USP14: variants seen among roughly 807,000 people sequenced by gnomAD.
USP14 encodes the protein ubiquitin carboxyl-terminal hydrolase 14.
In USP14, 38 loss-of-function variants were observed where a neutral mutation model predicts 76.5. The observed-to-expected ratio is 0.50, with a 90% CI of 0.38 to 0.65. The LOEUF is 0.65. Ranked by LOEUF, USP14 falls within the 30% of genes least tolerant of loss-of-function variation. The pLI is 0.00. For synonymous variants in USP14, 192 were observed against 191.7 expected, an observed-to-expected ratio of 1.00 and a Z score of -0.01; for missense variants, 467 against 586.5, an observed-to-expected ratio of 0.80 and a Z score of 2.10.
At position 199,006 on chromosome 18, in the gene USP14, CATT is replaced by C. The variant is rs550186014; in HGVS notation, c.762-195_762-193del. On this transcript the variant is annotated intron_variant, in intron 9 of 15. Transcript: ENST00000261601. ...TATCTTTTAATACACATTTATTACT[CATT>C]GTTGTTTCTAGAATTGTTGGTAGCC... Among the ~76,000 whole-genome samples the C allele has an allele frequency of 1.6e-4, 24 of 152,172 alleles. No homozygotes were observed. The East Asian group carries it at 1.7e-3, about 11-fold the overall frequency.
Position 211,415 on chromosome 18 carries a change from G to A in USP14, c.*131G>A. 1 of 939,298 alleles carries A rather than the reference G, an allele frequency of 1.1e-6. No individual in the cohort carries two copies. Among genetic ancestry groups the A allele is most frequent in the Non-Finnish European group, 1.5e-6 (1 of 651,508 alleles). 58.2% of individuals were successfully genotyped at this position (939,298 alleles called of 1,614,324 possible). A position where few individuals can be genotyped will look rare whatever the true frequency, so the allele number is the denominator to read the frequency against. On this transcript the variant is annotated 3_prime_UTR_variant, in exon 16 of 16. Coordinates refer to ENST00000261601, the MANE Select transcript of USP14 (RefSeq NM_005151.4). ...ACCTCATTTGGAACAAAAGAGGACAGAAGCAGACCACTCTGTGCACCAACC... is the reference window on the plus strand; with the variant it reads ...ACCTCATTTGGAACAAAAGAGGACAAAAGCAGACCACTCTGTGCACCAACC...
intron 13 of USP14, among the ~76,000 whole-genome samples, chr18:209,693 T>C (rs1910619073): frequency 6.6e-6 from 1 of 152,214 alleles, no homozygotes. Flanking sequence ...TGTACTGCTG[T>C]ATTCACTGGT....
chr18:208,392 T>C (rs149551254), intron 13 of USP14, among the ~76,000 whole-genome samples: 8 of 152,284 alleles, frequency 5.3e-5, no homozygotes, highest in Admixed American at 5.2e-4. Context: ...TTGTCCCCCT[T>C]GCTTGAGGAT....
At chr18:206,795 G>A (rs1910540611) in intron 13 of USP14, among the ~76,000 whole-genome samples, 2 of 152,154 alleles carry the variant, frequency 1.3e-5, no homozygotes, top group African/African-American at 4.8e-5. Context: ...CAGCTACTTG[G>A]GAGGCTGAGG....
intron 13 of USP14, among the ~76,000 whole-genome samples, chr18:208,305 A>G (rs906895073): frequency 6.6e-6 from 1 of 151,986 alleles, no homozygotes; most frequent in African/African-American, 2.4e-5. Context: ...TCTAGTATTT[A>G]TTACCCTTTT....
intron 3 of USP14, among the ~76,000 whole-genome samples, chr18:170,986 T>A (rs1909426667): frequency 7.7e-6 from 1 of 130,470 alleles, no homozygotes; most frequent in East Asian, 2.4e-4. Flanking sequence ...AGCATGCACA[T>A]CCTGGACATG....
chr18:164,947 A>G (rs1909226112), intron 2 of USP14, among the ~76,000 whole-genome samples: 1 of 151,898 alleles, frequency 6.6e-6, no homozygotes, highest in South Asian at 2.1e-4. Context: ...GATATCTATT[A>G]TTATTATTAT....
chr18:178,180 C>T (rs1470955702), intron 3 of USP14, among the ~76,000 whole-genome samples: 1 of 152,046 alleles, frequency 6.6e-6, no homozygotes, highest in Non-Finnish European at 1.5e-5. Flanking sequence ...CCCCTATGCC[C>T]AGCTAATATT....
chr18:173,151 C>T (rs1378632421), intron 3 of USP14, among the ~76,000 whole-genome samples: 1 of 151,606 alleles, frequency 6.6e-6, no homozygotes, highest in African/African-American at 2.4e-5. Context: ...CCCTGTTGCC[C>T]AGGCTGGAGT....
intron 5 of USP14, among the ~76,000 whole-genome samples, chr18:183,524 T>G (rs146318211): frequency 6.6e-6 from 1 of 152,076 alleles, no homozygotes; most frequent in Non-Finnish European, 1.5e-5. Context: ...TGTTTTTTAG[T>G]CTTCTAACTT....
At position 158,673 on chromosome 18, in the gene USP14, G is replaced by GCCGCCGCCTCCCGCCGCGCC. The variant is rs1444529056; in HGVS notation, c.-20_-1dup. The GCCGCCGCCTCCCGCCGCGCC allele has an allele frequency of 2.0e-6, 3 of 1,519,260 alleles. No homozygotes were observed. Among genetic ancestry groups the GCCGCCGCCTCCCGCCGCGCC allele is most frequent in the African/African-American group, 1.4e-5 (1 of 69,270 alleles). 94.1% of individuals were successfully genotyped at this position (1,519,260 alleles called of 1,614,324 possible). On this transcript the variant is annotated 5_prime_UTR_variant, in exon 1 of 16. Coordinates refer to ENST00000261601, the MANE Select transcript of USP14 (RefSeq NM_005151.4). ...CCCTCGTCAGGCCCAGCTCTCCTGCGCCGCCGCCTCCCGCCGCGCCCCGCC... is the reference window on the plus strand; with the variant it reads ...CCCTCGTCAGGCCCAGCTCTCCTGCGCCGCCGCCTCCCGCCGCGCCCCGCCGCCTCCCGCCGCGCCCCGCC...
chr18:166,733 T>G, intron 2 of USP14, 54 bp from the exon 3 acceptor site: 1 of 1,515,028 alleles, frequency 6.6e-7, no homozygotes, highest in Non-Finnish European at 9.1e-7. Flanking sequence ...ATTATTAGAT[T>G]GTGTTCAGCT....
rs1405076870 is a variant in USP14 at position 213,653 on chromosome 18, C to T, written c.*2369C>T. The T allele has an allele frequency of 2.0e-5, 3 of 152,446 alleles. No individual in the cohort carries two copies. The highest frequency in any genetic ancestry group is 2.1e-4 in the South Asian group (1 of 4,822). 9.4% of individuals were successfully genotyped at this position (152,446 alleles called of 1,614,324 possible). On this transcript the variant is annotated 3_prime_UTR_variant, in exon 16 of 16. Transcript: ENST00000261601. The stretch of plus-strand genomic sequence containing the variant: ...CTAGGTTAGGCCTAAGAGTGTTTAC[C>T]GAATAATCTGCACTCACTCAGTAGC...
chr18:206,064 G>A (rs1910521953), intron 13 of USP14, among the ~76,000 whole-genome samples: 1 of 152,142 alleles, frequency 6.6e-6, no homozygotes, highest in Non-Finnish European at 1.5e-5. Flanking sequence ...CCATTTCTCT[G>A]GAATGAATGC....
At position 204,673 on chromosome 18, in the gene USP14, T is replaced by C; in HGVS notation, c.1145T>C (p.Val382Ala). The change falls in exon 13 of 16, where the codon GTG becomes GCG. Residue 382 changes from valine to alanine, a missense_variant. Transcript: ENST00000261601. ...SKFKDLEDKKVNQQPNTSDKK... is the reference protein window; with the variant it reads ...SKFKDLEDKKANQQPNTSDKK... ...TTCAAGGATCTAGAAGATAAAAAAG[T>C]GAATCAGCAGCCAAATACAGTAGGT... 1 of 1,612,534 alleles carries C rather than the reference T, an allele frequency of 6.2e-7. No homozygotes were observed. The highest frequency in any genetic ancestry group is 8.5e-7 in the Non-Finnish European group (1 of 1,179,610).
rs1598282625 is a variant in USP14, at chr18:212,719, A to G, written c.*1435A>G. On this transcript the variant is annotated 3_prime_UTR_variant, in exon 16 of 16. Transcript: ENST00000261601. ...TATTTCAATATGATAGGCTTCTTACATTTTAATAGTTACTCATCTTTGTTC... is the reference window on the plus strand; with the variant it reads ...TATTTCAATATGATAGGCTTCTTACGTTTTAATAGTTACTCATCTTTGTTC... The G allele has an allele frequency of 1.3e-5, 2 of 152,244 alleles. No homozygotes were observed. Among genetic ancestry groups the G allele is most frequent in the African/African-American group, 4.8e-5 (2 of 41,470 alleles). The allele number at this position is 152,244 out of a possible 1,614,324, so 9.4% of individuals were successfully genotyped here. A position where few individuals can be genotyped will look rare whatever the true frequency, so the allele number is the denominator to read the frequency against.
At chr18:195,004 C>A (rs1267897727) in intron 6 of USP14, among the ~76,000 whole-genome samples, 1 of 152,024 alleles carries the variant, frequency 6.6e-6, no homozygotes, top group Non-Finnish European at 1.5e-5. Flanking sequence ...TCAGATTTTG[C>A]CAACTGTCCT....
At chr18:177,702 C>T (rs1291019861) in intron 3 of USP14, among the ~76,000 whole-genome samples, 1 of 150,672 alleles carries the variant, frequency 6.6e-6, no homozygotes, top group East Asian at 1.9e-4. Flanking sequence ...TCATGCCTTC[C>T]AATTAAGATA....
chr18:188,417 C>T (rs1402800140), intron 5 of USP14, among the ~76,000 whole-genome samples: 4 of 151,496 alleles, frequency 2.6e-5, no homozygotes, highest in South Asian at 2.1e-4. Flanking sequence ...CAATATATAG[C>T]GCTGAATTTA....
Sources: gnomAD v4.1 joint callset for allele counts (sites outside exome capture counted in the v4.1 genomes callset) on GRCh38, gnomAD v4.1.1 for gene constraint, MANE v1.5 for transcripts, NCBI Gene and HGNC (gene_info 2026-07-23, HGNC 2026-07-21) for gene names.